Variants in GPC5 observed in about 807,000 individuals in gnomAD.
GPC5 encodes glypican 5.
Under a neutral mutation model 53.9 loss-of-function variants are expected in GPC5, and 47 were observed. The ratio of observed to expected loss-of-function variants is 0.87; its 90% CI spans 0.69 to 1.11. The LOEUF is 1.11. GPC5 is among the 50% of genes most tolerant of loss of function. GPC5 has a pLI of 0.00. For synonymous variants in GPC5, 286 were observed against 263.3 expected (o/e 1.09, Z -0.84); for missense variants, 748 against 713.1 (o/e 1.05, Z -0.56).
At chr13:92,480,434 T>A (rs1879305268) in intron 7 of GPC5, among the ~76,000 whole-genome samples, 1 of 152,160 alleles carries the variant, frequency 6.6e-6, no homozygotes, top group African/African-American at 2.4e-5. Context: ...ATAAAATAAT[T>A]TTCTTGTGGC....
intron 7 of GPC5, among the ~76,000 whole-genome samples, chr13:92,445,359 C>T (rs1208834084): frequency 6.7e-6 from 1 of 149,940 alleles, no homozygotes; most frequent in African/African-American, 2.5e-5. Flanking sequence ...TACATGTGCA[C>T]ATTGTGCAGG....
intron 6 of GPC5, among the ~76,000 whole-genome samples, chr13:92,095,741 G>C (rs1020442168): frequency 3.3e-5 from 5 of 152,040 alleles, no homozygotes; most frequent in African/African-American, 4.8e-5. Flanking sequence ...CACCACGTTG[G>C]TCAGGCTGGT....
chr13:91,476,434 T>A (rs563129315), intron 2 of GPC5, among the ~76,000 whole-genome samples: 2 of 152,308 alleles, frequency 1.3e-5, no homozygotes, highest in East Asian at 3.9e-4. Flanking sequence ...AATATCCTTC[T>A]TACATGTGGT....
intron 7 of GPC5, among the ~76,000 whole-genome samples, chr13:92,314,046 G>A (rs1196019725): frequency 1.3e-5 from 2 of 152,176 alleles, no homozygotes; most frequent in Non-Finnish European, 2.9e-5. Flanking sequence ...TACAGACTGT[G>A]AAATAATGGA....
chr13:92,100,575 C>T (rs2041458246), intron 6 of GPC5, among the ~76,000 whole-genome samples: 1 of 151,988 alleles, frequency 6.6e-6, no homozygotes, highest in South Asian at 2.1e-4. Context: ...GTTTATTATC[C>T]TCTTGTAATT....
chr13:91,875,658 C>T (rs1054568332), intron 5 of GPC5, among the ~76,000 whole-genome samples: 19 of 152,032 alleles, frequency 1.2e-4, no homozygotes, highest in African/African-American at 4.6e-4. Context: ...TTTCTTGCAA[C>T]TTTTTCTCTT....
chr13:91,819,768 A>G (rs1301946620), intron 5 of GPC5, among the ~76,000 whole-genome samples: 1 of 152,066 alleles, frequency 6.6e-6, no homozygotes, highest in Non-Finnish European at 1.5e-5. Context: ...TACTGAGGAG[A>G]GAAATTGCTG....
intron 7 of GPC5, among the ~76,000 whole-genome samples, chr13:92,647,925 T>A (rs961694706): frequency 1.3e-5 from 2 of 152,118 alleles, no homozygotes; most frequent in African/African-American, 4.8e-5. Flanking sequence ...TGACAAATCA[T>A]GTCTTGTTCC....
rs2042639845 is a variant in GPC5, at chr13:92,245,004, C to T, written c.1561+100015C>T. Among the ~76,000 whole-genome samples the T allele has an allele frequency of 3.4e-5, 5 of 149,146 alleles. No individual in the cohort carries two copies. In the South Asian group the frequency reaches 1.1e-3, roughly 32 times the overall value. ...AGTGTGCCAAGATTGGGCCACTGCA[C>T]TCCAGTCCTGGTGACAAAGCGAGAC... On this transcript the variant is annotated intron_variant, in intron 7 of 7. Coordinates refer to ENST00000377067, the MANE Select transcript of GPC5 (RefSeq NM_004466.6).
At chr13:92,495,009 G>A (rs748771599) in intron 7 of GPC5, among the ~76,000 whole-genome samples, 1 of 152,070 alleles carries the variant, frequency 6.6e-6, no homozygotes, top group Non-Finnish European at 1.5e-5. Flanking sequence ...TTTTCCATTT[G>A]AGTTATTTTG....
intron 2 of GPC5, among the ~76,000 whole-genome samples, chr13:91,646,814 T>C (rs16946364): frequency 0.026 from 3,887 of 152,160 alleles, 168 homozygotes; most frequent in African/African-American, 0.089. Flanking sequence ...TTCAAAGAGG[T>C]ATAGAATTCA....
intron 2 of GPC5, among the ~76,000 whole-genome samples, chr13:91,632,920 G>A (rs1333756337): frequency 3.3e-5 from 5 of 152,048 alleles, no homozygotes; most frequent in Non-Finnish European, 7.4e-5. Context: ...GTTTCTTAGG[G>A]ATTAACAATT....
chr13:91,427,995 C>A (rs1348045918), intron 1 of GPC5, among the ~76,000 whole-genome samples: 1 of 152,174 alleles, frequency 6.6e-6, no homozygotes, highest in Non-Finnish European at 1.5e-5. Context: ...TGTAAGTTTC[C>A]TGAGGCCTTC....
chr13:92,775,161 C>A (rs185071890), intron 7 of GPC5, among the ~76,000 whole-genome samples: 2 of 152,124 alleles, frequency 1.3e-5, no homozygotes. Flanking sequence ...TTATATAAGA[C>A]AGTGTGATAC....
intron 2 of GPC5, among the ~76,000 whole-genome samples, chr13:91,572,164 CACAT>C (rs1477697017): frequency 2.4e-5 from 3 of 125,754 alleles, no homozygotes; most frequent in African/African-American, 6.0e-5. Flanking sequence ...TGTATACACA[CACAT>C]ATGTATATAT....
intron 1 of GPC5, among the ~76,000 whole-genome samples, chr13:91,415,361 C>T (rs921174441): frequency 1.3e-5 from 2 of 152,154 alleles, no homozygotes; most frequent in African/African-American, 2.4e-5. Flanking sequence ...ACGTGATGTT[C>T]GTGCTGTTTG....
chr13:92,551,309 A>G (rs959834330), intron 7 of GPC5, among the ~76,000 whole-genome samples: 1 of 151,906 alleles, frequency 6.6e-6, no homozygotes, highest in East Asian at 1.9e-4. Flanking sequence ...GAAAAAAAAA[A>G]AGAGAGCGAA....
At chr13:92,398,786 C>A (rs1875417093) in intron 7 of GPC5, among the ~76,000 whole-genome samples, 1 of 152,060 alleles carries the variant, frequency 6.6e-6, no homozygotes, top group Non-Finnish European at 1.5e-5. Flanking sequence ...ATGGTACAAC[C>A]ATAGTTGCAG....
chr13:92,181,064 C>T (rs2042143455), intron 7 of GPC5, among the ~76,000 whole-genome samples: 1 of 152,126 alleles, frequency 6.6e-6, no homozygotes, highest in Admixed American at 6.5e-5. Context: ...AATTAATCCC[C>T]ACTTGCCAAG....
Sources: gnomAD v4.1 joint callset for allele counts (sites outside exome capture counted in the v4.1 genomes callset) on GRCh38, gnomAD v4.1.1 for gene constraint, MANE v1.5 for transcripts, NCBI Gene and HGNC (gene_info 2026-07-23, HGNC 2026-07-21) for gene names.